Variants in KCNT1 observed in about 807,000 individuals in gnomAD.
KCNT1 encodes potassium channel subfamily T member 1.
A neutral mutation model predicts 147.8 loss-of-function variants in KCNT1; 78 were observed. The ratio of observed to expected loss-of-function variants is 0.53; its 90% confidence interval spans 0.44 to 0.64. The LOEUF is 0.64. Among genes scored for constraint, KCNT1 ranks in the 30% least tolerant of loss-of-function variants. The pLI, the probability that KCNT1 is intolerant of heterozygous loss-of-function variation, is 0.00. For synonymous variants in KCNT1, 867 were observed against 748.8 expected (o/e 1.16, Z -2.58); for missense variants, 1,419 against 1,750.3 (o/e 0.81, Z 3.38).
intron 22 of KCNT1, 48 bp from the exon 23 acceptor site, chr9:135,778,640 G>A (rs745583835): frequency 6.2e-7 from 1 of 1,609,990 alleles, no homozygotes; most frequent in Admixed American, 1.7e-5. Flanking sequence ...TCCTGTGGGT[G>A]GGGAGTGGGC....
intron 24 of KCNT1, among the ~76,000 whole-genome samples, chr9:135,782,840 C>A (rs58257549): frequency 6.6e-6 from 1 of 152,258 alleles, no homozygotes; most frequent in Admixed American, 6.5e-5. Context: ...CCCATCGCAG[C>A]TCATCGCACC....
At chr9:135,791,711 C>T (rs1834542820) in intron 29 of KCNT1, 86 bp from the exon 30 acceptor site, 2 of 1,162,594 alleles carry the variant, frequency 1.7e-6, no homozygotes, top group Non-Finnish European at 2.6e-6. Context: ...TCAGCTCATC[C>T]TGGAGCCCCC....
chr9:135,723,298 G>C (rs149604773), intron 2 of KCNT1, among the ~76,000 whole-genome samples: 2,317 of 152,346 alleles, frequency 0.015, 21 homozygotes, highest in Non-Finnish European at 0.023. Context: ...CAAAAGCGTT[G>C]GTGGGGTGTC....
intron 29 of KCNT1, among the ~76,000 whole-genome samples, chr9:135,787,934 G>A (rs1190361144): frequency 2.0e-5 from 3 of 152,218 alleles, no homozygotes; most frequent in Non-Finnish European, 2.9e-5. Context: ...CCCAGAGCTT[G>A]GCAAGGAAGG....
intron 1 of KCNT1, among the ~76,000 whole-genome samples, chr9:135,709,405 C>T (rs1157285241): frequency 6.6e-6 from 1 of 152,152 alleles, no homozygotes; most frequent in African/African-American, 2.4e-5. Context: ...AAAATCCATG[C>T]CTGGGCCTCC....
At chr9:135,778,394 T>G in intron 21 of KCNT1, 30 bp from the exon 22 acceptor site, 17 of 1,545,890 alleles carry the variant, frequency 1.1e-5, no homozygotes, top group Non-Finnish European at 1.5e-5. Flanking sequence ...TGAAGCAGGG[T>G]GGGCCCCTCC....
At chr9:135,756,683 G>T (rs1230504849) in intron 6 of KCNT1, among the ~76,000 whole-genome samples, 190 bp from the exon 7 acceptor site, 2 of 152,114 alleles carry the variant, frequency 1.3e-5, no homozygotes, top group East Asian at 1.9e-4. Flanking sequence ...GACTCCATCT[G>T]CCCTCGGCCC....
At chr9:135,785,172 C>T (rs1189279008) in intron 27 of KCNT1, 138 bp from the exon 28 acceptor site, 3 of 1,337,054 alleles carry the variant, frequency 2.2e-6, no homozygotes, top group Non-Finnish European at 3.1e-6. Flanking sequence ...ATACGGGCAG[C>T]CCCTGTGCTG....
rs563237533 is a variant in KCNT1 at position 135,739,416 on chromosome 9, G to A, written c.255-10682G>A. On this transcript the variant is annotated intron_variant, in intron 2 of 30. Transcript: ENST00000371757. ...CAAGCCCCTCGCCCTGATGTTCCTT[G>A]GCTCAGGAGATGGTCCCCTGAGCCC... 4.6e-4 allele frequency among the ~76,000 whole-genome samples: 66 copies of A among 143,332 alleles called. 4 individuals carry two copies. The South Asian group carries it at 0.014, about 31-fold the overall frequency. 94.0% of individuals were successfully genotyped at this position (143,332 alleles called of 152,430 possible).
At chr9:135,710,398 AC>A (rs1835437649) in intron 1 of KCNT1, among the ~76,000 whole-genome samples, 2 of 152,214 alleles carry the variant, frequency 1.3e-5, no homozygotes, top group African/African-American at 4.8e-5. Context: ...CAAATAAGGA[AC>A]AAGGTCAAGT....
intron 24 of KCNT1, among the ~76,000 whole-genome samples, chr9:135,780,923 G>C (rs910547105): frequency 6.6e-6 from 1 of 152,220 alleles, no homozygotes; most frequent in Admixed American, 6.5e-5. Context: ...ATCCTGGCGC[G>C]GCTCCTCCGG....
At chr9:135,742,941 C>A (rs1830640922) in intron 2 of KCNT1, 2 of 658,824 alleles carry the variant, frequency 3.0e-6, no homozygotes. Context: ...CCACCGGCAC[C>A]TCCCAGTACC....
At chr9:135,773,452 T>C (rs1832899885) in intron 19 of KCNT1, among the ~76,000 whole-genome samples, 1 of 152,118 alleles carries the variant, frequency 6.6e-6, no homozygotes, top group African/African-American at 2.4e-5. Flanking sequence ...TGACCAGGGG[T>C]GGGTGTCCTC....
At position 135,757,001 on chromosome 9, in the gene KCNT1, A is replaced by AC. The variant is rs879903723; in HGVS notation, c.600+71dup. On this transcript the variant is annotated intron_variant, in intron 7 of 30. Coordinates refer to ENST00000371757, the MANE Select transcript of KCNT1 (RefSeq NM_020822.3). ...CTCCCCACCCTCCCCAGCCTCCCCC[A>AC]CCTCCCCCACCCTCTCCTATTTCCC... 0.46 allele frequency: 315,450 copies of AC among 690,142 alleles called. 61,613 individuals are homozygous for AC. Among genetic ancestry groups the AC allele is most frequent in the South Asian group, 0.61 (36,957 of 60,104 alleles). The allele number at this position is 690,142 out of a possible 1,614,324, so 42.8% of individuals were successfully genotyped here.
At chr9:135,748,107 A>G (rs1173968961) in intron 2 of KCNT1, among the ~76,000 whole-genome samples, 1 of 152,060 alleles carries the variant, frequency 6.6e-6, no homozygotes, top group East Asian at 1.9e-4. Context: ...ATGCCTGGCT[A>G]CTTTTTATTG....
chr9:135,781,983 G>A (rs1458689170), intron 24 of KCNT1, among the ~76,000 whole-genome samples: 2 of 152,208 alleles, frequency 1.3e-5, no homozygotes, highest in East Asian at 3.9e-4. Context: ...GGAGGCTAAG[G>A]CGGACGGATC....
intron 1 of KCNT1, among the ~76,000 whole-genome samples, chr9:135,710,878 T>G (rs1284342457): frequency 6.6e-6 from 1 of 152,226 alleles, no homozygotes; most frequent in South Asian, 2.1e-4. Flanking sequence ...GAAGAAGACC[T>G]CCGTCTTCCG....
chr9:135,785,408 G>GCAC, intron 28 of KCNT1, 78 bp downstream of exon 28: 3 of 1,526,450 alleles, frequency 2.0e-6, no homozygotes, highest in South Asian at 1.2e-5. Flanking sequence ...AGCCTGCCAG[G>GCAC]CCCCACCCAC....
chr9:135,736,854 G>T, intron 2 of KCNT1: 1 of 307,426 alleles, frequency 3.3e-6, no homozygotes, highest in Non-Finnish European at 6.0e-6. Context: ...GGCTGCGCTG[G>T]CTGGGCTGCA....
Sources: gnomAD v4.1 joint callset for allele counts (sites outside exome capture counted in the v4.1 genomes callset) on GRCh38, gnomAD v4.1.1 for gene constraint, MANE v1.5 for transcripts, NCBI Gene and HGNC (gene_info 2026-07-23, HGNC 2026-07-21) for gene names.